Variants in NMT1 observed in about 807,000 individuals in gnomAD.
NMT1 encodes N-myristoyltransferase 1.
Under a neutral mutation model 63.4 loss-of-function variants are expected in NMT1, and 12 were observed. That is an observed-to-expected ratio of 0.19 (90% confidence interval 0.12 to 0.31). The LOEUF (loss-of-function observed/expected upper bound fraction) is 0.31. Among genes scored for constraint, NMT1 ranks in the 10% least tolerant of loss-of-function variants. The probability of loss-of-function intolerance (pLI) is 1.00; values close to 1 mark genes in which losing one functional copy is unlikely to be tolerated. For missense variants in NMT1, 432 were observed against 634.6 expected (o/e 0.68, Z 3.43); for synonymous variants, 228 against 234.3 (o/e 0.97, Z 0.25).
chr17:45,062,406 C>G (rs1294871321), intron 1 of NMT1, among the ~76,000 whole-genome samples: 1 of 152,202 alleles, frequency 6.6e-6, no homozygotes, highest in African/African-American at 2.4e-5. Flanking sequence ...AACTGAAAGT[C>G]GTGAGAGATT....
chr17:45,095,737 A>G (rs191128250), intron 4 of NMT1, among the ~76,000 whole-genome samples: 40 of 152,216 alleles, frequency 2.6e-4, no homozygotes, highest in African/African-American at 9.6e-4. Flanking sequence ...ACACCAGTGC[A>G]CTCCAGCCTG....
chr17:45,084,359 G>C (rs1598010515), intron 2 of NMT1, among the ~76,000 whole-genome samples: 1 of 148,510 alleles, frequency 6.7e-6, no homozygotes, highest in East Asian at 2.0e-4. Flanking sequence ...TTGCGAGACG[G>C]AGTCTCGCTC....
At chr17:45,085,778 C>T (rs1391511085) in intron 2 of NMT1, among the ~76,000 whole-genome samples, 2 of 151,894 alleles carry the variant, frequency 1.3e-5, no homozygotes, top group Non-Finnish European at 2.9e-5. Context: ...GGGATTAGGA[C>T]AGAGGAACCA....
intron 2 of NMT1, among the ~76,000 whole-genome samples, chr17:45,082,793 A>G (rs1446615563): frequency 6.6e-6 from 1 of 152,160 alleles, no homozygotes; most frequent in East Asian, 1.9e-4. Flanking sequence ...AGGCGGGTGG[A>G]TCACCTGAGG....
At position 45,097,207 on chromosome 17, in the gene NMT1, A is replaced by G; in HGVS notation, c.676A>G (p.Ile226Val). 6.2e-7 allele frequency: 1 copy of G among 1,614,152 alleles called. No homozygotes were observed. Among genetic ancestry groups the G allele is most frequent in the Non-Finnish European group, 8.5e-7 (1 of 1,180,010 alleles). Residue 226 changes from isoleucine to valine, a missense_variant, in exon 6 of 12, where the codon ATT (isoleucine) becomes GTT (valine). By Grantham distance (29) the Ile-to-Val change is conservative. This residue lies in a region of NMT1 where 295 missense variants were observed against 489.7 expected (regional missense o/e 0.60). Transcript: ENST00000258960. ...VVSSRKLVGF[I>V]SAIPANIHIY... ...CTCAAGTCGGAAATTGGTTGGGTTC[A>G]TTAGCGCCATCCCAGCAAACATCCA...
intron 8 of NMT1, among the ~76,000 whole-genome samples, chr17:45,102,140 G>T (rs985342035): frequency 2.0e-5 from 3 of 152,224 alleles, no homozygotes; most frequent in African/African-American, 4.8e-5. Context: ...GAGGCTGGAG[G>T]TTCTAGAACT....
rs180861975 is a variant in NMT1 at position 45,083,471 on chromosome 17, G to A, written c.240+1719G>A. 2.1e-4 allele frequency among the ~76,000 whole-genome samples: 32 copies of A among 152,156 alleles called. 1 individual carries two copies. Among genetic ancestry groups the A allele is most frequent in the Admixed American group, 1.4e-3 (22 of 15,266 alleles). The stretch of plus-strand genomic sequence containing the variant: ...CTCAGCTTGAATCTGCTACCTTATT[G>A]AGATATGACTTCAAGTAATTTTTTT... On this transcript the variant is annotated intron_variant, in intron 2 of 11. Coordinates refer to ENST00000258960, the MANE Select transcript of NMT1 (RefSeq NM_021079.5).
chr17:45,088,765 T>A (rs530554890), intron 3 of NMT1, among the ~76,000 whole-genome samples: 15,768 of 141,542 alleles, frequency 0.11, 933 homozygotes, highest in Middle Eastern at 0.18. Flanking sequence ...AAAATGAATT[T>A]AAAAAAAAAA....
rs567266433 is a variant in NMT1 at position 45,076,484 on chromosome 17, T to C, written c.132-5160T>C. On this transcript the variant is annotated intron_variant, in intron 1 of 11. Transcript: ENST00000258960. ...AAAAAAAGTGGCCAGGCACGGTGGC[T>C]CATGCCTGTAATCCTAGTACTTTGG... Among the ~76,000 whole-genome samples, 30 of 150,252 alleles carry C rather than the reference T, an allele frequency of 2.0e-4. No individual in the cohort carries two copies. In the South Asian group the frequency reaches 2.1e-3, roughly 11 times the overall value.
intron 1 of NMT1, among the ~76,000 whole-genome samples, chr17:45,062,168 G>A (rs1465824800): frequency 4.6e-5 from 7 of 152,090 alleles, no homozygotes; most frequent in African/African-American, 1.7e-4. Flanking sequence ...TGGAATCCTC[G>A]GGCTCCATAC....
chr17:45,076,577 C>T (rs2053979008), intron 1 of NMT1, among the ~76,000 whole-genome samples: 1 of 151,810 alleles, frequency 6.6e-6, no homozygotes. Context: ...TGGTGAGACC[C>T]TGTCTCTACT....
intron 1 of NMT1, among the ~76,000 whole-genome samples, chr17:45,079,571 T>C (rs1020026694): frequency 6.6e-6 from 1 of 152,240 alleles, no homozygotes; most frequent in Non-Finnish European, 1.5e-5. Context: ...AAAACATTAA[T>C]GAGGCTAAGA....
chr17:45,098,995 T>C (rs933005060), intron 7 of NMT1, among the ~76,000 whole-genome samples: 1 of 152,180 alleles, frequency 6.6e-6, no homozygotes, highest in African/African-American at 2.4e-5. Flanking sequence ...TTAAAACAAT[T>C]GAATAATCTC....
rs759793100 is a variant in NMT1, at chr17:45,103,889, C to T, written c.1332+13C>T. On this transcript the variant is annotated intron_variant, in intron 10 of 11. Transcript: ENST00000258960. The surrounding 1 kb of genome is among the most constrained non-coding windows in gnomAD (Gnocchi z 4.8). ...CCTCGCCAAAATGGTGAGGAGCAGACGGGGGGGTCTCTGGAGATGTGCAGG... is the reference window on the plus strand; with the variant it reads ...CCTCGCCAAAATGGTGAGGAGCAGATGGGGGGGTCTCTGGAGATGTGCAGG... 21 of 1,612,520 alleles carry T rather than the reference C, an allele frequency of 1.3e-5. No individual in the cohort carries two copies. Among genetic ancestry groups the T allele is most frequent in the South Asian group, 6.6e-5 (6 of 91,080 alleles).
rs186954357 is a variant in NMT1 at position 45,074,231 on chromosome 17, T to C, written c.132-7413T>C. Among the ~76,000 whole-genome samples, 102 of 151,228 alleles carry C rather than the reference T, an allele frequency of 6.7e-4. 1 individual carries two copies. The highest frequency in any genetic ancestry group is 3.4e-3 in the Middle Eastern group (1 of 292). On this transcript the variant is annotated intron_variant, in intron 1 of 11. Transcript: ENST00000258960. The stretch of plus-strand genomic sequence containing the variant: ...TTAAAAGATGACTTTTTTTTTTTTT[T>C]TGAGACAGAGTCTCGCTCAGTCGCC...
chr17:45,070,567 G>A (rs113523588), intron 1 of NMT1, among the ~76,000 whole-genome samples: 2 of 152,110 alleles, frequency 1.3e-5, no homozygotes, highest in South Asian at 2.1e-4. Flanking sequence ...GTAGTCGCCC[G>A]TCACCACGCC....
In NMT1 at chr17:45,105,792, A is replaced by T. The variant is rs2054199425; in HGVS notation, c.*153A>T. On this transcript the variant is annotated 3_prime_UTR_variant, in exon 12 of 12. Transcript: ENST00000258960. The surrounding 1 kb of genome is among the most constrained non-coding windows in gnomAD (Gnocchi z 4.2). The stretch of plus-strand genomic sequence containing the variant: ...TTACCAAACCGCCAGCGAACTTGAC[A>T]ATTGTATTGCGATGGCGTGGGCTGC... The T allele has an allele frequency of 1.0e-5, 7 of 690,262 alleles. No homozygotes were observed. The highest frequency in any genetic ancestry group is 1.7e-5 in the Non-Finnish European group (7 of 415,742). The allele number at this position is 690,262 out of a possible 1,614,324, so 42.8% of individuals were successfully genotyped here.
chr17:45,108,276 G>C lies in NMT1; in HGVS notation c.*2637G>C, dbSNP rs557899355. 1 of 152,404 alleles carries C rather than the reference G, an allele frequency of 6.6e-6. No individual in the cohort carries two copies. The highest frequency in any genetic ancestry group is 1.5e-5 in the Non-Finnish European group (1 of 68,062). 9.4% of individuals were successfully genotyped at this position (152,404 alleles called of 1,614,324 possible). A position where few individuals can be genotyped will look rare whatever the true frequency, so the allele number is the denominator to read the frequency against. Reference sequence around the variant, plus strand: ...TGCATTTGACCACGGACTCCAGTCTGTGTGTAGGGAGAGAGCTGAGTAGGA... The same window carrying C: ...TGCATTTGACCACGGACTCCAGTCTCTGTGTAGGGAGAGAGCTGAGTAGGA... On this transcript the variant is annotated 3_prime_UTR_variant, in exon 12 of 12. Coordinates refer to ENST00000258960, the MANE Select transcript of NMT1 (RefSeq NM_021079.5).
intron 1 of NMT1, 119 bp downstream of exon 1, chr17:45,061,579 C>G: frequency 1.2e-6 from 1 of 848,816 alleles, no homozygotes; most frequent in Non-Finnish European, 1.8e-6. Flanking sequence ...TTGGCTAAGT[C>G]ACTAGGATTC....
Sources: allele counts gnomAD v4.1 joint callset (sites outside exome capture counted in the v4.1 genomes callset), GRCh38; gene constraint gnomAD v4.1.1; regional missense constraint gnomAD v4.1.1; non-coding constraint Gnocchi (gnomAD v3.1); transcripts MANE v1.5; gene names NCBI Gene and HGNC (gene_info 2026-07-23, HGNC 2026-07-21).